PDE10A: variants seen among roughly 807,000 people sequenced by gnomAD.
PDE10A encodes phosphodiesterase 10A.
In PDE10A, 39 loss-of-function variants were observed where a neutral mutation model predicts 97.7. The ratio of observed to expected loss-of-function variants is 0.40; its 90% CI spans 0.31 to 0.52. The LOEUF is 0.52. Among genes scored for constraint, PDE10A ranks in the 20% least tolerant of loss-of-function variants. PDE10A has a pLI of 0.56. For missense variants in PDE10A, 731 were observed against 1,047.8 expected, an observed-to-expected ratio of 0.70 and a Z score of 4.17; for synonymous variants, 371 against 376.8, an observed-to-expected ratio of 0.98 and a Z score of 0.18.
intron 6 of PDE10A, among the ~76,000 whole-genome samples, chr6:165,434,762 C>T (rs1789877591): frequency 6.6e-6 from 1 of 152,210 alleles, no homozygotes. Context: ...GCACCTAACT[C>T]ATGGCCAGCT....
Position 165,671,345 on chromosome 6 carries a change from C to T in PDE10A, c.-614-127777G>A, listed in dbSNP as rs1790642681. ...TTGGGAATATAGTAAGCACAACGAC[C>T]CATGAGTGATCACAGAGTGAGCATA... On this transcript the variant is annotated intron_variant, in intron 1 of 19. Transcript: ENST00000366882. The surrounding 1 kb of genome is among the most constrained non-coding windows in gnomAD (Gnocchi z 4.6). Among the ~76,000 whole-genome samples, 1 of 152,060 alleles carries T rather than the reference C, an allele frequency of 6.6e-6. No individual in the cohort carries two copies. The highest frequency in any genetic ancestry group is 2.4e-5 in the African/African-American group (1 of 41,398).
intron 1 of PDE10A, among the ~76,000 whole-genome samples, chr6:165,592,594 C>G (rs1375106341): frequency 6.6e-6 from 1 of 152,002 alleles, no homozygotes; most frequent in Non-Finnish European, 1.5e-5. Flanking sequence ...GGAATTTAAA[C>G]AAATTTACGA....
intron 2 of PDE10A, among the ~76,000 whole-genome samples, chr6:165,501,343 C>G (rs527407002): frequency 6.6e-6 from 1 of 152,046 alleles, no homozygotes; most frequent in East Asian, 1.9e-4. Flanking sequence ...AGGCAGATCA[C>G]GAGGTCAGGA....
chr6:165,484,294 T>C (rs1339150129), intron 2 of PDE10A, among the ~76,000 whole-genome samples: 1 of 152,204 alleles, frequency 6.6e-6, no homozygotes, highest in East Asian at 1.9e-4. Context: ...ACACATATGA[T>C]AGACAGTGGC....
chr6:165,354,679 C>T (rs530567696), intron 18 of PDE10A, among the ~76,000 whole-genome samples: 1 of 152,088 alleles, frequency 6.6e-6, no homozygotes, highest in African/African-American at 2.4e-5. Flanking sequence ...GGAAGCAAAC[C>T]CAAATCTTTG....
chr6:165,736,386 T>C (rs1317443134), intron 1 of PDE10A, among the ~76,000 whole-genome samples: 1 of 151,786 alleles, frequency 6.6e-6, no homozygotes, highest in Non-Finnish European at 1.5e-5. Flanking sequence ...TTAAAGAGGG[T>C]AGGAAGGACA....
intron 21 of PDE10A, among the ~76,000 whole-genome samples, 196 bp downstream of exon 21, chr6:165,335,927 T>G (rs1202661129): frequency 3.9e-5 from 6 of 152,080 alleles, no homozygotes; most frequent in Admixed American, 3.9e-4. Context: ...AGGCTCGTCT[T>G]TGAGGAGAAT....
Position 165,428,724 on chromosome 6 carries a change from C to T in PDE10A, c.1602-15G>A. The T allele has an allele frequency of 9.5e-7, 1 of 1,057,058 alleles. No individual in the cohort carries two copies. The highest frequency in any genetic ancestry group is 1.4e-6 in the Non-Finnish European group (1 of 694,536). 65.5% of individuals were successfully genotyped at this position (1,057,058 alleles called of 1,614,324 possible). A position where few individuals can be genotyped will look rare whatever the true frequency, so the allele number is the denominator to read the frequency against. Reference sequence around the variant, plus strand: ...CAAAATATGTTCTGAAAAAAAGAAACATAAATCCTGTAAGTAATTTCATTA... The same window carrying T: ...CAAAATATGTTCTGAAAAAAAGAAATATAAATCCTGTAAGTAATTTCATTA... On this transcript the variant is annotated splice_polypyrimidine_tract_variant and intron_variant, in intron 9 of 21. Transcript: ENST00000539869.
chr6:165,718,914 A>T (rs1017448160), intron 1 of PDE10A, among the ~76,000 whole-genome samples: 20 of 152,236 alleles, frequency 1.3e-4, no homozygotes, highest in African/African-American at 4.6e-4. Flanking sequence ...AGGAAAAAAA[A>T]GTTGTTAAAA....
At chr6:165,985,609 A>G (rs1015995940) in intron 1 of PDE10A, among the ~76,000 whole-genome samples, 4 of 152,212 alleles carry the variant, frequency 2.6e-5, no homozygotes, top group Admixed American at 6.5e-5. Flanking sequence ...CTGGAGAAGC[A>G]TGGAAGAAGT....
chr6:165,354,286 T>C (rs997094295), intron 18 of PDE10A, among the ~76,000 whole-genome samples: 2 of 152,186 alleles, frequency 1.3e-5, no homozygotes, highest in African/African-American at 4.8e-5. Context: ...GAAGTATCCT[T>C]TTTGAATAGT....
chr6:165,589,668 G>A (rs1345584473), intron 1 of PDE10A, among the ~76,000 whole-genome samples: 1 of 152,124 alleles, frequency 6.6e-6, no homozygotes, highest in Non-Finnish European at 1.5e-5. Flanking sequence ...AGGAAGGAAA[G>A]GAGGCCTTCC....
chr6:165,985,084 G>A (rs1785146722), intron 1 of PDE10A, among the ~76,000 whole-genome samples: 1 of 152,190 alleles, frequency 6.6e-6, no homozygotes, highest in Non-Finnish European at 1.5e-5. Context: ...CCACAGCCGA[G>A]GCCACAGAGC....
chr6:165,482,343 T>C lies in PDE10A; in HGVS notation c.995A>G (p.Asp332Gly). 3 of 1,600,728 alleles carry C rather than the reference T, an allele frequency of 1.9e-6. No homozygotes were observed. Among genetic ancestry groups the C allele is most frequent in the Non-Finnish European group, 2.6e-6 (3 of 1,168,032 alleles). Residue 332 changes from aspartate (D) to glycine (G), a missense_variant and splice_region_variant, in exon 3 of 22, where the codon GAT becomes GGT. Coordinates refer to ENST00000539869, the MANE Select transcript of PDE10A (RefSeq NM_001385079.1). ...WLKRKNNKSEDESAPKEVSRY... is the reference protein window; with the variant it reads ...WLKRKNNKSEGESAPKEVSRY... ...GCTGACTTCCTTAGGAGCTGATTCA[T>C]CTGGGGATAGAGAAGGAAGAGGGAA...
At chr6:165,809,568 C>G (rs971003148) in intron 1 of PDE10A, among the ~76,000 whole-genome samples, 5 of 152,152 alleles carry the variant, frequency 3.3e-5, no homozygotes, top group African/African-American at 1.2e-4. Context: ...TTGCCTCTAG[C>G]CTGCCAACTC....
chr6:165,514,698 T>C (rs747278622), intron 2 of PDE10A, among the ~76,000 whole-genome samples: 3 of 152,160 alleles, frequency 2.0e-5, no homozygotes, highest in Non-Finnish European at 4.4e-5. Context: ...GACTCCAAGT[T>C]GAGTGAGTCC....
chr6:165,400,825 C>A (rs957540672), intron 13 of PDE10A, among the ~76,000 whole-genome samples: 5 of 152,062 alleles, frequency 3.3e-5, no homozygotes, highest in African/African-American at 9.7e-5. Context: ...AATCTATCAA[C>A]AAGTAAATAA....
chr6:165,525,325 G>T (rs193166960), intron 2 of PDE10A, among the ~76,000 whole-genome samples: 1 of 152,198 alleles, frequency 6.6e-6, no homozygotes, highest in East Asian at 1.9e-4. Context: ...CACTAAGTAG[G>T]GAGTCTATTT....
intron 1 of PDE10A, among the ~76,000 whole-genome samples, chr6:165,978,676 A>T (rs1048855784): frequency 6.6e-6 from 1 of 152,180 alleles, no homozygotes; most frequent in Non-Finnish European, 1.5e-5. Context: ...ACGACTCAAC[A>T]TATGTGTGAT....
Sources: allele counts gnomAD v4.1 joint callset (sites outside exome capture counted in the v4.1 genomes callset), GRCh38; gene constraint gnomAD v4.1.1; non-coding constraint Gnocchi (gnomAD v3.1); transcripts MANE v1.5; gene names NCBI Gene and HGNC (gene_info 2026-07-23, HGNC 2026-07-21).